Variants in TLK2 observed in about 807,000 individuals in gnomAD.
TLK2 encodes tousled like kinase 2.
A neutral mutation model predicts 117.3 loss-of-function variants in TLK2; 6 were observed. The ratio of observed to expected loss-of-function variants is 0.05; its 90% CI spans 0.03 to 0.10. The LOEUF (loss-of-function observed/expected upper bound fraction) is 0.10, where lower values mean the gene tolerates loss of function less well. Ranked by LOEUF, TLK2 falls within the 10% of genes least tolerant of loss-of-function variation. The probability of loss-of-function intolerance (pLI) is 1.00; values close to 1 mark genes in which losing one functional copy is unlikely to be tolerated. For synonymous variants in TLK2, 257 were observed against 316.7 expected (o/e 0.81, Z 2.00); for missense variants, 299 against 901.2 (o/e 0.33, Z 8.56).
intron 4 of TLK2, 34 bp from the exon 5 acceptor site, chr17:62,523,100 G>A: frequency 1.9e-6 from 3 of 1,574,358 alleles, no homozygotes; most frequent in African/African-American, 1.4e-5. Flanking sequence ...TATGTGTATT[G>A]GAAAAACTGT....
intron 2 of TLK2, among the ~76,000 whole-genome samples, chr17:62,483,774 A>G (rs2071987673): frequency 6.6e-6 from 1 of 151,934 alleles, no homozygotes; most frequent in Non-Finnish European, 1.5e-5. Flanking sequence ...GAGTGTTGGG[A>G]TTACAGGCAT....
At chr17:62,526,059 A>G (rs2076348902) in intron 6 of TLK2, among the ~76,000 whole-genome samples, 1 of 152,230 alleles carries the variant, frequency 6.6e-6, no homozygotes, top group Non-Finnish European at 1.5e-5. Context: ...CCTGAAGACA[A>G]AAGAGATGAA....
At chr17:62,559,359 TGTA>T (rs527348341) in intron 9 of TLK2, among the ~76,000 whole-genome samples, 57 of 152,076 alleles carry the variant, frequency 3.7e-4, no homozygotes, top group African/African-American at 1.3e-3. Flanking sequence ...AAACATTCAT[TGTA>T]GTTTATTTTT....
At chr17:62,605,413 C>G (rs1241254108) in intron 19 of TLK2, among the ~76,000 whole-genome samples, 1 of 152,124 alleles carries the variant, frequency 6.6e-6, no homozygotes, top group Non-Finnish European at 1.5e-5. Context: ...GGGTCTCACT[C>G]TCTTGCTGGA....
chr17:62,502,920 T>G (rs2074327476), intron 2 of TLK2, among the ~76,000 whole-genome samples: 3 of 152,202 alleles, frequency 2.0e-5, no homozygotes, highest in Admixed American at 6.5e-5. Flanking sequence ...TATAAACATC[T>G]ATGTAGTAGA....
chr17:62,549,620 A>G (rs1598514567), intron 7 of TLK2: 1 of 151,600 alleles, frequency 6.6e-6, no homozygotes, highest in Non-Finnish European at 1.5e-5. Context: ...ATATTTAGTT[A>G]TTTGGAATTA....
intron 15 of TLK2, among the ~76,000 whole-genome samples, chr17:62,582,123 A>G (rs2081264769): frequency 6.6e-6 from 1 of 152,268 alleles, no homozygotes; most frequent in Non-Finnish European, 1.5e-5. Flanking sequence ...ATGTTGAGTT[A>G]GTGGAAAACA....
In TLK2 at chr17:62,522,255, C is replaced by A; in HGVS notation, c.205C>A (p.Pro69Thr). ...GCGAAATCGGAAAAGAAAAGCTGAA[C>A]CATATGAAACTAGCCAAGGTAGTAA... Reference protein sequence around the residue: ...DQRNRKRKAEPYETSQGKGTP... With the variant: ...DQRNRKRKAETYETSQGKGTP... The change falls in exon 4 of 22, where the codon CCA becomes ACA. Residue 69 changes from proline to threonine, a missense_variant. Coordinates refer to ENST00000346027, the MANE Select transcript of TLK2 (RefSeq NM_006852.6). 6.2e-7 allele frequency: 1 copy of A among 1,612,592 alleles called. No homozygotes were observed. The highest frequency in any genetic ancestry group is 8.5e-7 in the Non-Finnish European group (1 of 1,179,450).
chr17:62,580,651 TGTCCTG>T (rs2081144977), intron 15 of TLK2, among the ~76,000 whole-genome samples: 1 of 152,150 alleles, frequency 6.6e-6, no homozygotes, highest in Admixed American at 6.6e-5. Context: ...TCTGAAAGAG[TGTCCTG>T]GCTTAGAGTG....
At chr17:62,524,102 C>G in intron 5 of TLK2, 134 bp from the exon 6 acceptor site, 1 of 522,146 alleles carries the variant, frequency 1.9e-6, no homozygotes, top group Non-Finnish European at 3.2e-6. Flanking sequence ...GTGGCATTTT[C>G]TCTCTAGAGT....
chr17:62,479,682 T>C (rs1286348748), intron 1 of TLK2, among the ~76,000 whole-genome samples: 2 of 152,314 alleles, frequency 1.3e-5, no homozygotes, highest in South Asian at 2.1e-4. Flanking sequence ...TCGCTCCTGC[T>C]TCCCGGCTGT....
intron 6 of TLK2, among the ~76,000 whole-genome samples, chr17:62,533,481 T>G (rs2076899244): frequency 6.9e-6 from 1 of 145,824 alleles, no homozygotes; most frequent in South Asian, 2.1e-4. Context: ...TGTGTGTAAT[T>G]TTTTTTTTTT....
chr17:62,515,057 C>G (rs1463564312), intron 2 of TLK2, among the ~76,000 whole-genome samples: 1 of 152,258 alleles, frequency 6.6e-6, no homozygotes, highest in Non-Finnish European at 1.5e-5. Context: ...CTGGCAGCTA[C>G]CATTCTACTT....
intron 2 of TLK2, among the ~76,000 whole-genome samples, chr17:62,509,229 C>T (rs1412814102): frequency 1.3e-5 from 2 of 152,126 alleles, no homozygotes; most frequent in African/African-American, 4.8e-5. Flanking sequence ...GCTGGGACCA[C>T]AGGCATGGGC....
At chr17:62,596,707 T>C (rs748687043) in intron 17 of TLK2, 33 bp downstream of exon 17, 10 of 1,580,496 alleles carry the variant, frequency 6.3e-6, no homozygotes, top group Non-Finnish European at 8.7e-6. Context: ...TTAACAGTTA[T>C]ATTATTTTCT....
chr17:62,477,486 G>C (rs546970985), upstream of TLK2: 80 of 152,332 alleles, frequency 5.3e-4, 1 homozygote, highest in African/African-American at 1.9e-3. Context: ...ATCCTGTGTC[G>C]TTTCGGCAGG....
intron 2 of TLK2, among the ~76,000 whole-genome samples, chr17:62,485,921 C>T (rs894394410): frequency 6.7e-6 from 1 of 149,216 alleles, no homozygotes; most frequent in Non-Finnish European, 1.5e-5. Context: ...CCCAGGTTCA[C>T]GCCATTCTCC....
At chr17:62,554,093 T>A (rs1418846024) in intron 9 of TLK2, among the ~76,000 whole-genome samples, 3 of 152,236 alleles carry the variant, frequency 2.0e-5, no homozygotes, top group Non-Finnish European at 4.4e-5. Flanking sequence ...TGTTGAATTT[T>A]ATAAGCTATT....
chr17:62,509,233 C>T (rs2074961293), intron 2 of TLK2, among the ~76,000 whole-genome samples: 1 of 152,144 alleles, frequency 6.6e-6, no homozygotes, highest in South Asian at 2.1e-4. Flanking sequence ...GGACCACAGG[C>T]ATGGGCCACC....
Sources: allele counts gnomAD v4.1 joint callset (sites outside exome capture counted in the v4.1 genomes callset), GRCh38; gene constraint gnomAD v4.1.1; transcripts MANE v1.5; gene names NCBI Gene and HGNC (gene_info 2026-07-23, HGNC 2026-07-21).